Variants in NFIA observed in about 807,000 individuals in gnomAD.
NFIA encodes nuclear factor 1 A-type.
NFIA carries 8 observed loss-of-function variants against 62.8 expected under a neutral mutation model. That is an observed-to-expected ratio of 0.13 (90% CI 0.07 to 0.23). NFIA has a LOEUF of 0.23. NFIA is among the 10% of genes least tolerant of loss of function. NFIA has a pLI of 1.00. For synonymous variants in NFIA, 235 were observed against 238.1 expected, an observed-to-expected ratio of 0.99 and a Z score of 0.12; for missense variants, 410 against 642.1, an observed-to-expected ratio of 0.64 and a Z score of 3.91.
chr1:61,097,004 A>C (rs995550082), intron 2 of NFIA, among the ~76,000 whole-genome samples: 1 of 152,246 alleles, frequency 6.6e-6, no homozygotes, highest in Non-Finnish European at 1.5e-5. Flanking sequence ...TAATTTAAAA[A>C]TAAGCAGCTG....
At chr1:61,419,891 G>C (rs1666527814) in intron 9 of NFIA, among the ~76,000 whole-genome samples, 1 of 152,112 alleles carries the variant, frequency 6.6e-6, no homozygotes, top group Non-Finnish European at 1.5e-5. Flanking sequence ...GTGCCCTGAG[G>C]GTTGTGAGTT....
rs952930231 is a variant in NFIA, at chr1:61,352,631, T to A, written c.818+64T>A. The A allele has an allele frequency of 2.3e-5, 29 of 1,259,902 alleles. No individual in the cohort carries two copies. In the Admixed American group the frequency reaches 5.0e-4, roughly 22 times the overall value. The allele number at this position is 1,259,902 out of a possible 1,614,324, so 78.0% of individuals were successfully genotyped here. ...TGGTTGCACACCTTGATTTTAACTC[T>A]GGGCCCACTATGGATTTAGCAATGC... is the stretch of plus-strand genomic sequence containing the variant. On this transcript the variant is annotated intron_variant, in intron 5 of 10. Transcript: ENST00000403491.
At chr1:61,283,310 C>A (rs959917719) in intron 3 of NFIA, among the ~76,000 whole-genome samples, 7 of 151,904 alleles carry the variant, frequency 4.6e-5, no homozygotes, top group Non-Finnish European at 8.8e-5. Context: ...GTGGCTCACG[C>A]CTGTAATCCT....
At chr1:61,160,134 GA>G (rs1397318097) in intron 2 of NFIA, among the ~76,000 whole-genome samples, 1 of 152,116 alleles carries the variant, frequency 6.6e-6, no homozygotes, top group Non-Finnish European at 1.5e-5. Context: ...AAGGGAACTG[GA>G]ATCCCTGCCT....
At chr1:61,177,566 G>C (rs991448705) in intron 2 of NFIA, among the ~76,000 whole-genome samples, 4 of 152,030 alleles carry the variant, frequency 2.6e-5, no homozygotes, top group African/African-American at 9.7e-5. Context: ...AATTAACTCT[G>C]TCTTGCTAAG....
At position 61,406,708 on chromosome 1, in the gene NFIA, A is replaced by G. The variant is rs1033141639; in HGVS notation, c.1401A>G (p.Ala467=). ...KPPTTSTEGG[A]ASPTSPTYST... ...CAACCACGTCAACAGAAGGAGGTGC[A>G]GCCTCCCCCACGTCACCAAGTAAGT... Residue 467 remains alanine, a synonymous_variant, in exon 9 of 11, where the codon GCA becomes GCG. Coordinates refer to ENST00000403491, the MANE Select transcript of NFIA (RefSeq NM_001134673.4). 1.1e-5 allele frequency: 18 copies of G among 1,610,702 alleles called. No homozygotes were observed. The highest frequency in any genetic ancestry group is 1.5e-5 in the Non-Finnish European group (18 of 1,178,582).
At chr1:61,271,377 A>G (rs1025552702) in intron 2 of NFIA, among the ~76,000 whole-genome samples, 6 of 152,262 alleles carry the variant, frequency 3.9e-5, no homozygotes, top group African/African-American at 9.6e-5. Flanking sequence ...ACCAACATTA[A>G]TGAAATACCA....
rs373681357 is a variant in NFIA at position 61,401,427 on chromosome 1, T to TAGC, written c.1076-2676_1076-2675insGCA. 5.8e-3 allele frequency among the ~76,000 whole-genome samples: 876 copies of TAGC among 152,330 alleles called. 7 individuals are homozygous for TAGC. Among genetic ancestry groups the TAGC allele is most frequent in the African/African-American group, 0.02 (823 of 41,570 alleles). On this transcript the variant is annotated intron_variant, in intron 7 of 10. Coordinates refer to ENST00000403491, the MANE Select transcript of NFIA (RefSeq NM_001134673.4). ...TGCTAATGATTGTCTTTTACGTATT[T>TAGC]AACAACAACAAAATGAGGGAAAGGA...
intron 2 of NFIA, among the ~76,000 whole-genome samples, chr1:61,214,980 C>G (rs1414384950): frequency 2.0e-5 from 3 of 152,140 alleles, no homozygotes; most frequent in African/African-American, 4.8e-5. Flanking sequence ...CTTCCCACTT[C>G]CCTAATGCCA....
intron 6 of NFIA, among the ~76,000 whole-genome samples, chr1:61,374,543 C>T (rs918625476): frequency 6.6e-6 from 1 of 152,118 alleles, no homozygotes; most frequent in Non-Finnish European, 1.5e-5. Context: ...TGTGTCTATT[C>T]TTTACTCTCT....
At chr1:61,397,123 G>A (rs1251158707) in intron 7 of NFIA, among the ~76,000 whole-genome samples, 1 of 152,122 alleles carries the variant, frequency 6.6e-6, no homozygotes, top group African/African-American at 2.4e-5. Flanking sequence ...AAGGGAGATG[G>A]CCCCATAGTT....
At chr1:61,127,825 T>G (rs1647002434) in intron 2 of NFIA, among the ~76,000 whole-genome samples, 1 of 152,204 alleles carries the variant, frequency 6.6e-6, no homozygotes, top group Non-Finnish European at 1.5e-5. Context: ...TTTTAGATTA[T>G]AAGCCCAGGA....
At chr1:61,304,040 C>G (rs965811417) in intron 3 of NFIA, among the ~76,000 whole-genome samples, 2 of 152,040 alleles carry the variant, frequency 1.3e-5, no homozygotes, top group African/African-American at 4.8e-5. Context: ...TTTAGGAGGC[C>G]AAGGTGGGCC....
In NFIA at chr1:61,189,245, A is replaced by C. The variant is rs189296646; in HGVS notation, c.560-88275A>C. ...AAGGACAAGGAGCCCTGAAGATTAG[A>C]GTGTGGAGCTGGGGCCTGACCTTAG... is the stretch of plus-strand genomic sequence containing the variant. On this transcript the variant is annotated intron_variant, in intron 2 of 10. Coordinates refer to ENST00000403491, the MANE Select transcript of NFIA (RefSeq NM_001134673.4). Among the ~76,000 whole-genome samples, 300 of 152,196 alleles carry C rather than the reference A, an allele frequency of 2.0e-3. 2 individuals are homozygous for C. Among genetic ancestry groups the C allele is most frequent in the African/African-American group, 6.6e-3 (274 of 41,526 alleles).
chr1:61,275,015 C>T (rs72911905), intron 2 of NFIA, among the ~76,000 whole-genome samples: 2,431 of 152,198 alleles, frequency 0.016, 45 homozygotes, highest in African/African-American at 0.046. Context: ...GCTTTGCTTG[C>T]CCCTTAGCAG....
intron 9 of NFIA, among the ~76,000 whole-genome samples, chr1:61,422,118 A>G (rs1470295359): frequency 6.6e-6 from 1 of 152,080 alleles, no homozygotes; most frequent in East Asian, 1.9e-4. Context: ...TAAAAATTAG[A>G]AGGGCATGAT....
At chr1:61,356,274 T>G (rs1029268018) in intron 5 of NFIA, among the ~76,000 whole-genome samples, 2 of 152,234 alleles carry the variant, frequency 1.3e-5, no homozygotes, top group Admixed American at 1.3e-4. Flanking sequence ...TCAGAACATA[T>G]AGGCTTCTCA....
chr1:61,316,938 A>T (rs1240500705), intron 3 of NFIA, among the ~76,000 whole-genome samples: 1 of 152,194 alleles, frequency 6.6e-6, no homozygotes, highest in African/African-American at 2.4e-5. Context: ...AGTTTATTTT[A>T]AAAAGTTATT....
At chr1:61,440,166 A>G (rs1478564826) in intron 10 of NFIA, among the ~76,000 whole-genome samples, 1 of 152,226 alleles carries the variant, frequency 6.6e-6, no homozygotes, top group Non-Finnish European at 1.5e-5. Flanking sequence ...TGAAGGTCAA[A>G]AATTAAATGT....
Sources: gnomAD v4.1 joint callset for allele counts (sites outside exome capture counted in the v4.1 genomes callset) on GRCh38, gnomAD v4.1.1 for gene constraint, MANE v1.5 for transcripts, NCBI Gene and HGNC (gene_info 2026-07-23, HGNC 2026-07-21) for gene names.